The following APBA2 variants were observed in gnomAD, a reference collection of about 807,000 sequenced individuals.
The protein encoded by APBA2 is amyloid-beta A4 precursor protein-binding family A member 2.
Under a neutral mutation model 75.0 loss-of-function variants are expected in APBA2, and 30 were observed. The ratio of observed to expected loss-of-function variants is 0.40; its 90% CI spans 0.30 to 0.54. The LOEUF (loss-of-function observed/expected upper bound fraction) is 0.54. APBA2 is among the 20% of genes least tolerant of loss of function. APBA2 has a pLI of 0.49. For missense variants in APBA2, 801 were observed against 1,016.1 expected, an observed-to-expected ratio of 0.79 and a Z score of 2.88; for synonymous variants, 444 against 409.6, an observed-to-expected ratio of 1.08 and a Z score of -1.01.
At chr15:28,974,142 G>A (rs1457636002) in intron 2 of APBA2, among the ~76,000 whole-genome samples, 5 of 152,200 alleles carry the variant, frequency 3.3e-5, no homozygotes, top group African/African-American at 1.2e-4. Flanking sequence ...GAAAATGACA[G>A]GAGGGTGTAT....
chr15:29,034,731 G>T (rs2040657777), intron 3 of APBA2, among the ~76,000 whole-genome samples: 1 of 152,190 alleles, frequency 6.6e-6, no homozygotes, highest in African/African-American at 2.4e-5. Flanking sequence ...TCTCAGACTT[G>T]CAGGCATCAG....
rs546905986 is a variant in APBA2 at position 28,926,025 on chromosome 15, A to G, written c.-95+4276A>G. 1.4e-3 allele frequency among the ~76,000 whole-genome samples: 208 copies of G among 152,284 alleles called. 1 individual carries two copies. The highest frequency in any genetic ancestry group is 2.0e-3 in the Non-Finnish European group (139 of 68,000). On this transcript the variant is annotated intron_variant, in intron 2 of 14. Transcript: ENST00000683413. The stretch of plus-strand genomic sequence containing the variant: ...TTACTTTGATTAGAGTTAGCATGGT[A>G]TACCTTTCTCTATCCCTTTACTTTT...
intron 2 of APBA2, among the ~76,000 whole-genome samples, chr15:28,955,208 A>C (rs543863693): frequency 6.6e-6 from 1 of 152,140 alleles, no homozygotes; most frequent in South Asian, 2.1e-4. Flanking sequence ...AAGTTTCAGG[A>C]GACAGTTTCT....
rs1326171832 is a variant in APBA2 at position 29,101,569 on chromosome 15, C to T, written c.1339-30C>T. The T allele has an allele frequency of 2.5e-6, 4 of 1,605,476 alleles. No individual in the cohort carries two copies. The South Asian group carries it at 4.5e-5, about 18-fold the overall frequency. On this transcript the variant is annotated intron_variant, in intron 9 of 14. Transcript: ENST00000683413. ...TCAATGGATTGTCCCAGTAGTGTTCCCTGACGTGGCACTGTCTCCCTCCCG... is the reference window on the plus strand; with the variant it reads ...TCAATGGATTGTCCCAGTAGTGTTCTCTGACGTGGCACTGTCTCCCTCCCG...
intron 1 of APBA2, among the ~76,000 whole-genome samples, chr15:28,916,761 C>T (rs1402887686): frequency 6.6e-5 from 10 of 152,334 alleles, no homozygotes; most frequent in Middle Eastern, 3.4e-3. Context: ...TCTTTAAAAA[C>T]GCCGTTGACT....
intron 2 of APBA2, among the ~76,000 whole-genome samples, chr15:28,923,652 T>C (rs1205157032): frequency 6.6e-6 from 1 of 152,062 alleles, no homozygotes; most frequent in East Asian, 1.9e-4. Context: ...CCTCTTCTCA[T>C]ATGGAACACG....
chr15:29,116,047 G>C (rs2045101219), intron 14 of APBA2, among the ~76,000 whole-genome samples: 1 of 150,034 alleles, frequency 6.7e-6, no homozygotes, highest in African/African-American at 2.5e-5. Flanking sequence ...AGGAGAAGTG[G>C]GCAGTAGAGC....
intron 2 of APBA2, among the ~76,000 whole-genome samples, chr15:28,975,756 A>AC (rs1398141882): frequency 6.6e-6 from 1 of 152,274 alleles, no homozygotes; most frequent in East Asian, 1.9e-4. Flanking sequence ...CTTATATCAC[A>AC]AAGCTAATTC....
chr15:29,025,502 G>A lies in APBA2; in HGVS notation c.-40-28343G>A, dbSNP rs535535691. Among the ~76,000 whole-genome samples, 23 of 151,860 alleles carry A rather than the reference G, an allele frequency of 1.5e-4. No homozygotes were observed. The East Asian group carries it at 3.0e-3, about 20-fold the overall frequency. On this transcript the variant is annotated intron_variant, in intron 3 of 14. Coordinates refer to ENST00000683413, the MANE Select transcript of APBA2 (RefSeq NM_001353788.2). ...CAGGATGGTCTCGATTCGATCTCTT[G>A]ACCTTGTGATCCGCCTGCCTCGGCC...
intron 13 of APBA2, 161 bp downstream of exon 13, chr15:29,108,550 A>C (rs1211393538): frequency 8.8e-7 from 1 of 1,141,442 alleles, no homozygotes; most frequent in East Asian, 2.5e-5. Context: ...GGAACTTTCC[A>C]TGGCTCTCTG....
At chr15:28,927,738 C>T (rs2034349636) in intron 2 of APBA2, among the ~76,000 whole-genome samples, 1 of 151,718 alleles carries the variant, frequency 6.6e-6, no homozygotes, top group African/African-American at 2.4e-5. Flanking sequence ...TCCCACCATT[C>T]TTTGTGTGCA....
chr15:29,101,828 G>A, intron 10 of APBA2, 44 bp downstream of exon 10: 1 of 1,590,638 alleles, frequency 6.3e-7, no homozygotes, highest in Non-Finnish European at 8.6e-7. Flanking sequence ...AAAGTTCACA[G>A]CCCAGGGCGG....
At chr15:29,035,187 T>C (rs1302227503) in intron 3 of APBA2, among the ~76,000 whole-genome samples, 1 of 152,160 alleles carries the variant, frequency 6.6e-6, no homozygotes, top group Non-Finnish European at 1.5e-5. Flanking sequence ...TGGGGCCTGG[T>C]CACCTGGGGC....
intron 1 of APBA2, among the ~76,000 whole-genome samples, chr15:28,917,079 G>T (rs2033717684): frequency 6.6e-6 from 1 of 152,170 alleles, no homozygotes; most frequent in South Asian, 2.1e-4. Flanking sequence ...ACTCTCTGAG[G>T]CCATGAGGTG....
intron 13 of APBA2, among the ~76,000 whole-genome samples, chr15:29,110,884 G>A (rs1405490384): frequency 6.6e-6 from 1 of 152,264 alleles, no homozygotes; most frequent in Non-Finnish European, 1.5e-5. Context: ...CAAGGCGGAG[G>A]GCAGCAGACG....
chr15:29,052,690 A>G (rs2041661990), intron 3 of APBA2, among the ~76,000 whole-genome samples: 1 of 152,140 alleles, frequency 6.6e-6, no homozygotes, highest in African/African-American at 2.4e-5. Flanking sequence ...TTCTGTTGCT[A>G]TAACAGAATA....
At chr15:28,904,171 G>A (rs952822597) in intron 1 of APBA2, among the ~76,000 whole-genome samples, 1 of 152,100 alleles carries the variant, frequency 6.6e-6, no homozygotes, top group African/African-American at 2.4e-5. Flanking sequence ...AGCGAAAGGA[G>A]GAAGCTTTGA....
chr15:28,933,887 G>A (rs1442672986), intron 2 of APBA2, among the ~76,000 whole-genome samples: 1 of 152,240 alleles, frequency 6.6e-6, no homozygotes, highest in East Asian at 1.9e-4. Flanking sequence ...GCCCACATGG[G>A]CGGAGCAGAG....
rs1463468807 is a variant in APBA2, at chr15:28,967,111, C to G, written c.-94-28642C>G. On this transcript the variant is annotated intron_variant, in intron 2 of 14. Transcript: ENST00000683413. ...TAGCCCTTCTTTAAAGGTTGGTCTGCTAGTAATAAATTCTTTAGCTTCTCT... is the reference window on the plus strand; with the variant it reads ...TAGCCCTTCTTTAAAGGTTGGTCTGGTAGTAATAAATTCTTTAGCTTCTCT... 2.0e-5 allele frequency among the ~76,000 whole-genome samples: 3 copies of G among 152,270 alleles called. No individual in the cohort carries two copies. The East Asian group carries it at 5.8e-4, about 29-fold the overall frequency.
Sources: gnomAD v4.1 joint callset for allele counts (sites outside exome capture counted in the v4.1 genomes callset) on GRCh38, gnomAD v4.1.1 for gene constraint, MANE v1.5 for transcripts, NCBI Gene and HGNC (gene_info 2026-07-23, HGNC 2026-07-21) for gene names.